SPOCK3: variants seen among roughly 807,000 people sequenced by gnomAD.
The protein encoded by SPOCK3 is SPARC (osteonectin), cwcv and kazal like domains proteoglycan 3.
Under a neutral mutation model 56.6 loss-of-function variants are expected in SPOCK3, and 30 were observed. The ratio of observed to expected loss-of-function variants is 0.53; its 90% CI spans 0.40 to 0.72. The LOEUF (loss-of-function observed/expected upper bound fraction) is 0.72. SPOCK3 is among the 30% of genes least tolerant of loss of function. SPOCK3 has a pLI of 0.00. For synonymous variants in SPOCK3, 196 were observed against 183.3 expected (o/e 1.07, Z -0.56); for missense variants, 527 against 530.0 (o/e 0.99, Z 0.06).
At chr4:167,157,753 A>AACACAC in intron 2 of SPOCK3, among the ~76,000 whole-genome samples, 1 of 150,644 alleles carries the variant, frequency 6.6e-6, no homozygotes, top group East Asian at 1.9e-4. Context: ...TTATTGTTTA[A>AACACAC]ACACACACAC....
chr4:166,920,082 T>C (rs1191362176), intron 4 of SPOCK3, among the ~76,000 whole-genome samples: 2 of 152,130 alleles, frequency 1.3e-5, no homozygotes, highest in Non-Finnish European at 2.9e-5. Flanking sequence ...AATTATCAAG[T>C]CTCTGGTGCG....
intron 4 of SPOCK3, among the ~76,000 whole-genome samples, chr4:166,927,351 T>G (rs900307279): frequency 6.6e-5 from 10 of 152,166 alleles, no homozygotes; most frequent in Non-Finnish European, 1.5e-4. Context: ...TGAGACCCGA[T>G]GGTTTTATAA....
chr4:167,151,184 A>T (rs948625780), intron 2 of SPOCK3, among the ~76,000 whole-genome samples: 1 of 152,206 alleles, frequency 6.6e-6, no homozygotes, highest in Admixed American at 6.5e-5. Context: ...GGCCTCAGAC[A>T]TCAACAACTT....
chr4:167,139,538 A>G (rs1305692568), intron 2 of SPOCK3, among the ~76,000 whole-genome samples: 1 of 152,004 alleles, frequency 6.6e-6, no homozygotes, highest in African/African-American at 2.4e-5. Context: ...GTAATAATTA[A>G]TAGTCAATTT....
At chr4:166,909,814 T>C (rs1737057100) in intron 5 of SPOCK3, among the ~76,000 whole-genome samples, 1 of 152,162 alleles carries the variant, frequency 6.6e-6, no homozygotes, top group Non-Finnish European at 1.5e-5. Flanking sequence ...TGACAAAATT[T>C]AGTGATCCAA....
chr4:167,038,871 T>A (rs1371268572), intron 3 of SPOCK3, among the ~76,000 whole-genome samples: 2 of 152,120 alleles, frequency 1.3e-5, no homozygotes, highest in African/African-American at 4.8e-5. Context: ...AGCTCTTGCA[T>A]TTATGTGATG....
Position 166,842,220 on chromosome 4 carries a change from T to C in SPOCK3, c.589+46910A>G, listed in dbSNP as rs112340417. Among the ~76,000 whole-genome samples the C allele has an allele frequency of 4.6e-3, 695 of 152,306 alleles. 10 individuals are homozygous for C. The highest frequency in any genetic ancestry group is 0.016 in the African/African-American group (664 of 41,568). ...GAACAAAAGAACAAAGCTTCCACGG[T>C]GAGGAAGAGGACTTCAGCACGTTGC... On this transcript the variant is annotated intron_variant, in intron 6 of 10. Transcript: ENST00000357545.
chr4:166,809,843 C>A (rs72984067), intron 6 of SPOCK3, among the ~76,000 whole-genome samples: 7,834 of 152,046 alleles, frequency 0.052, 645 homozygotes, highest in African/African-American at 0.18. Context: ...GACAAGCCCA[C>A]TCCGTGACCA....
chr4:166,847,898 T>G (rs1748270130), intron 6 of SPOCK3, among the ~76,000 whole-genome samples: 1 of 151,868 alleles, frequency 6.6e-6, no homozygotes, highest in African/African-American at 2.4e-5. Context: ...AGACTTCTAG[T>G]TATGCAGCCA....
At chr4:167,097,455 G>T (rs1759259881) in intron 2 of SPOCK3, among the ~76,000 whole-genome samples, 1 of 151,420 alleles carries the variant, frequency 6.6e-6, no homozygotes, top group African/African-American at 2.4e-5. Context: ...GCTTTTCACT[G>T]TAATCTACTA....
At chr4:166,981,182 G>A (rs960928485) in intron 4 of SPOCK3, among the ~76,000 whole-genome samples, 1 of 151,520 alleles carries the variant, frequency 6.6e-6, no homozygotes, top group Non-Finnish European at 1.5e-5. Context: ...CTTTCCACAG[G>A]AAGGGCATTC....
intron 4 of SPOCK3, among the ~76,000 whole-genome samples, chr4:166,944,072 G>A (rs919661231): frequency 1.3e-5 from 2 of 152,100 alleles, no homozygotes; most frequent in Non-Finnish European, 2.9e-5. Context: ...ACTTGAACCC[G>A]GGAGGCGAAG....
intron 6 of SPOCK3, among the ~76,000 whole-genome samples, chr4:166,865,166 A>C (rs1044421975): frequency 2.6e-5 from 4 of 152,158 alleles, no homozygotes; most frequent in African/African-American, 9.7e-5. Context: ...CATAAACAGA[A>C]CCAATGACAA....
chr4:167,073,342 G>A (rs540071746), intron 2 of SPOCK3, among the ~76,000 whole-genome samples: 2 of 151,650 alleles, frequency 1.3e-5, no homozygotes, highest in Non-Finnish European at 1.5e-5. Flanking sequence ...ATACAGTGCT[G>A]TTCAAAATTT....
intron 3 of SPOCK3, among the ~76,000 whole-genome samples, chr4:167,012,333 T>A (rs1247655817): frequency 6.6e-6 from 1 of 151,980 alleles, no homozygotes; most frequent in African/African-American, 2.4e-5. Flanking sequence ...ATGTAAAAAT[T>A]CAGTTTTCCT....
chr4:166,831,772 A>T (rs6824889), intron 6 of SPOCK3, among the ~76,000 whole-genome samples: 40,489 of 121,500 alleles, frequency 0.33, 8,044 homozygotes, highest in East Asian at 0.68. Flanking sequence ...TTTTTTTTTT[A>T]AATTTCATTT....
chr4:166,945,290 CCATATATA>C (rs969727799), intron 4 of SPOCK3, among the ~76,000 whole-genome samples: 118 of 152,150 alleles, frequency 7.8e-4, no homozygotes, highest in African/African-American at 2.6e-3. Flanking sequence ...TTATGTACAT[CCATATATA>C]CATATAAATA....
chr4:166,991,214 G>C (rs750610828), intron 4 of SPOCK3, among the ~76,000 whole-genome samples: 2 of 151,836 alleles, frequency 1.3e-5, no homozygotes, highest in Non-Finnish European at 2.9e-5. Flanking sequence ...GATTCACCAT[G>C]TTACAACTTA....
At chr4:166,990,000 A>G (rs1747599753) in intron 4 of SPOCK3, among the ~76,000 whole-genome samples, 2 of 152,164 alleles carry the variant, frequency 1.3e-5, no homozygotes, top group Admixed American at 6.5e-5. Context: ...TATCTTAACC[A>G]TCTGAACTCC....
Sources: gnomAD v4.1 joint callset for allele counts (sites outside exome capture counted in the v4.1 genomes callset) on GRCh38, gnomAD v4.1.1 for gene constraint, MANE v1.5 for transcripts, NCBI Gene and HGNC (gene_info 2026-07-23, HGNC 2026-07-21) for gene names.